The following NOL4 variants were observed in gnomAD, a reference collection of about 807,000 sequenced individuals.
The protein encoded by NOL4 is nucleolar protein 4.
A neutral mutation model predicts 75.9 loss-of-function variants in NOL4; 17 were observed. That is an observed-to-expected ratio of 0.22 (90% CI 0.15 to 0.34). NOL4 has a LOEUF of 0.34. NOL4 is among the 10% of genes least tolerant of loss of function. The pLI, the probability that NOL4 is intolerant of heterozygous loss-of-function variation, is 1.00. For missense variants in NOL4, 614 were observed against 793.5 expected (o/e 0.77, Z 2.72); for synonymous variants, 292 against 289.9 (o/e 1.01, Z -0.07).
chr18:34,027,273 T>A (rs1483394190), intron 5 of NOL4, among the ~76,000 whole-genome samples: 2 of 152,120 alleles, frequency 1.3e-5, no homozygotes, highest in Non-Finnish European at 2.9e-5. Context: ...AGCTCTCATG[T>A]GGGTTGGAGA....
intron 10 of NOL4, among the ~76,000 whole-genome samples, chr18:33,866,368 A>AT: frequency 6.6e-6 from 1 of 152,058 alleles, no homozygotes; most frequent in Non-Finnish European, 1.5e-5. Flanking sequence ...GTTTTATTTC[A>AT]TTTTTCTGAT....
chr18:33,970,301 T>C (rs1001679667), intron 6 of NOL4, among the ~76,000 whole-genome samples: 2 of 152,240 alleles, frequency 1.3e-5, no homozygotes, highest in Non-Finnish European at 2.9e-5. Context: ...ACAGTATATA[T>C]GACCTTTGGT....
At chr18:34,163,604 T>G (rs1349284653) in intron 1 of NOL4, among the ~76,000 whole-genome samples, 1 of 152,092 alleles carries the variant, frequency 6.6e-6, no homozygotes, top group Non-Finnish European at 1.5e-5. Flanking sequence ...TACAAACAAA[T>G]GGAAGAACAT....
chr18:33,858,044 T>A (rs576918823), intron 10 of NOL4, among the ~76,000 whole-genome samples: 1 of 152,210 alleles, frequency 6.6e-6, no homozygotes, highest in Non-Finnish European at 1.5e-5. Flanking sequence ...ATTAGTACCA[T>A]CTCAACTCAA....
intron 10 of NOL4, among the ~76,000 whole-genome samples, chr18:33,864,616 T>C (rs2063339657): frequency 6.6e-6 from 1 of 152,156 alleles, no homozygotes; most frequent in South Asian, 2.1e-4. Flanking sequence ...CTCCAAACTG[T>C]TCCAACTGCT....
intron 1 of NOL4, among the ~76,000 whole-genome samples, chr18:34,191,683 A>G (rs1037594316): frequency 1.3e-4 from 20 of 152,110 alleles, no homozygotes; most frequent in African/African-American, 4.1e-4. Context: ...AAGCCTTACA[A>G]AAGACTTTCC....
chr18:34,223,349 G>T lies in NOL4; in HGVS notation c.-96C>A. 6.6e-7 allele frequency: 1 copy of T among 1,510,922 alleles called. No individual in the cohort carries two copies. The highest frequency in any genetic ancestry group is 1.3e-5 in the South Asian group (1 of 77,924). 93.6% of individuals were successfully genotyped at this position (1,510,922 alleles called of 1,614,324 possible). On this transcript the variant is annotated 5_prime_UTR_variant, in exon 1 of 11. Coordinates refer to ENST00000261592, the MANE Select transcript of NOL4 (RefSeq NM_003787.5). ...AAATGCAGCCCCGGCCACGTTGCAG[G>T]GATGCGAGGTCCCGGCCGCAGCGGG...
intron 5 of NOL4, among the ~76,000 whole-genome samples, chr18:34,027,255 T>C (rs563461964): frequency 1.4e-4 from 22 of 152,204 alleles, no homozygotes; most frequent in African/African-American, 5.3e-4. Context: ...ACAAGCTCAG[T>C]AGTAGGGAGC....
chr18:33,992,511 T>C (rs1330308526), intron 6 of NOL4, among the ~76,000 whole-genome samples: 1 of 151,972 alleles, frequency 6.6e-6, no homozygotes, highest in African/African-American at 2.4e-5. Flanking sequence ...ACAGCTAAGA[T>C]TTAGTAATAA....
intron 5 of NOL4, among the ~76,000 whole-genome samples, chr18:34,036,277 A>G (rs2075892493): frequency 6.6e-6 from 1 of 152,196 alleles, no homozygotes; most frequent in Admixed American, 6.5e-5. Context: ...ATAAACCATG[A>G]TCAGATGAGA....
chr18:33,906,531 C>T (rs1225771218), intron 9 of NOL4, among the ~76,000 whole-genome samples: 2 of 152,168 alleles, frequency 1.3e-5, no homozygotes, highest in African/African-American at 2.4e-5. Context: ...ACAATTCCTA[C>T]TAGTGTCATA....
chr18:33,946,988 T>TA (rs1421376203), intron 8 of NOL4, among the ~76,000 whole-genome samples: 1 of 151,654 alleles, frequency 6.6e-6, no homozygotes, highest in Non-Finnish European at 1.5e-5. Context: ...AAAATCTCTT[T>TA]GCTTCTAATA....
chr18:34,093,678 T>C, intron 4 of NOL4, 81 bp from the exon 5 acceptor site: 2 of 1,075,912 alleles, frequency 1.9e-6, no homozygotes, highest in South Asian at 2.2e-5. Flanking sequence ...ACACAGTCAA[T>C]TGAAGTTTAA....
In NOL4 at chr18:34,099,362, C is replaced by CAAAAAAAAAAAAAAAAAAAAAAAAAAAAA. The variant is rs58940650; in HGVS notation, c.639+4684_639+4685insTTTTTTTTTTTTTTTTTTTTTTTTTTTTT. Among the ~76,000 whole-genome samples the CAAAAAAAAAAAAAAAAAAAAAAAAAAAAA allele has an allele frequency of 1.2e-4, 10 of 80,048 alleles. 1 individual carries two copies. The highest frequency in any genetic ancestry group is 3.1e-4 in the African/African-American group (6 of 19,430). 52.5% of individuals were successfully genotyped at this position (80,048 alleles called of 152,430 possible). ...TAGGCAACAGAGTGAGACTTTGTCT[C>CAAAAAAAAAAAAAAAAAAAAAAAAAAAAA]AAAAAAAAAAAAAAAGACAACTACG... On this transcript the variant is annotated intron_variant, in intron 4 of 10. Coordinates refer to ENST00000261592, the MANE Select transcript of NOL4 (RefSeq NM_003787.5).
At chr18:33,914,363 G>C (rs530844552) in intron 9 of NOL4, among the ~76,000 whole-genome samples, 2 of 152,234 alleles carry the variant, frequency 1.3e-5, no homozygotes, top group South Asian at 2.1e-4. Flanking sequence ...AATTATAGGA[G>C]AGGAGGTGAG....
chr18:34,072,291 A>C (rs1281102122), intron 5 of NOL4, among the ~76,000 whole-genome samples: 1 of 152,136 alleles, frequency 6.6e-6, no homozygotes, highest in Non-Finnish European at 1.5e-5. Context: ...CCTAATCATA[A>C]GAAAACTGTT....
intron 2 of NOL4, among the ~76,000 whole-genome samples, chr18:34,128,537 T>C (rs1213771322): frequency 4.0e-5 from 6 of 151,884 alleles, no homozygotes; most frequent in East Asian, 3.9e-4. Flanking sequence ...TGTTAGTCTA[T>C]ATAAAAATAT....
chr18:34,151,411 A>G (rs1022835355), intron 1 of NOL4, among the ~76,000 whole-genome samples: 14 of 151,996 alleles, frequency 9.2e-5, no homozygotes, highest in African/African-American at 3.4e-4. Context: ...AATACATGAA[A>G]GAATCTTAAA....
rs78031282 is a variant in NOL4 at position 34,032,519 on chromosome 18, C to T, written c.773-12918G>A. Among the ~76,000 whole-genome samples, 1,196 of 152,306 alleles carry T rather than the reference C, an allele frequency of 7.9e-3. 18 individuals are homozygous for T. Among genetic ancestry groups the T allele is most frequent in the African/African-American group, 0.028 (1,156 of 41,572 alleles). ...TGGGGCCTGAGGTTGGGACTACCCACCCAGCTACCACCACAGCTGGCATCT... is the reference window on the plus strand; with the variant it reads ...TGGGGCCTGAGGTTGGGACTACCCATCCAGCTACCACCACAGCTGGCATCT... On this transcript the variant is annotated intron_variant, in intron 5 of 10. Coordinates refer to ENST00000261592, the MANE Select transcript of NOL4 (RefSeq NM_003787.5).
Sources: gnomAD v4.1 joint callset for allele counts (sites outside exome capture counted in the v4.1 genomes callset) on GRCh38, gnomAD v4.1.1 for gene constraint, MANE v1.5 for transcripts, NCBI Gene and HGNC (gene_info 2026-07-23, HGNC 2026-07-21) for gene names.